Variants in FAM53B observed in about 807,000 individuals in gnomAD.
FAM53B encodes the protein family with sequence similarity 53 member B.
A neutral mutation model predicts 32.7 loss-of-function variants in FAM53B; 12 were observed. That is an observed-to-expected ratio of 0.37 (90% confidence interval 0.24 to 0.59). The LOEUF is 0.59. Ranked by LOEUF, FAM53B falls within the 20% of genes least tolerant of loss-of-function variation. The probability of loss-of-function intolerance (pLI) is 0.72; values close to 1 mark genes in which losing one functional copy is unlikely to be tolerated. For missense variants in FAM53B, 477 were observed against 577.7 expected, an observed-to-expected ratio of 0.83 and a Z score of 1.79; for synonymous variants, 234 against 228.7, an observed-to-expected ratio of 1.02 and a Z score of -0.21.
intron 2 of FAM53B, among the ~76,000 whole-genome samples, chr10:124,702,076 C>T (rs557389319): frequency 1.3e-5 from 2 of 152,278 alleles, no homozygotes; most frequent in Admixed American, 1.3e-4. Context: ...TTCCCTTGCA[C>T]ATTGAGACTT....
chr10:124,707,310 C>T (rs1039283946), intron 1 of FAM53B, among the ~76,000 whole-genome samples: 22 of 152,196 alleles, frequency 1.4e-4, no homozygotes, highest in African/African-American at 2.2e-4. Flanking sequence ...GCCTCAGCCC[C>T]GCATCCAACA....
At chr10:124,695,719 C>G (rs993836542) in intron 3 of FAM53B, among the ~76,000 whole-genome samples, 13 of 150,202 alleles carry the variant, frequency 8.7e-5, no homozygotes, top group African/African-American at 3.0e-4. Flanking sequence ...ATGATGGTAA[C>G]TACTCCAAGT....
At position 124,720,517 on chromosome 10, in the gene FAM53B, G is replaced by A. The variant is rs139275390; in HGVS notation, c.-174-13630C>T. On this transcript the variant is annotated intron_variant, in intron 1 of 4. Transcript: ENST00000337318. ...AAAAACAAAAAAAGAAACCCTATCC[G>A]ACTGAATAACTGGATGGGATCAGAA... Among the ~76,000 whole-genome samples the A allele has an allele frequency of 4.2e-3, 641 of 152,236 alleles. 1 individual carries two copies. The highest frequency in any genetic ancestry group is 0.015 in the African/African-American group (614 of 41,552).
chr10:124,666,444 A>G (rs920361224), intron 4 of FAM53B, among the ~76,000 whole-genome samples: 3 of 152,222 alleles, frequency 2.0e-5, no homozygotes, highest in Non-Finnish European at 4.4e-5. Flanking sequence ...TGGGGCTTGC[A>G]GCTGGCCAGC....
chr10:124,651,509 G>A lies in FAM53B; in HGVS notation c.907-27905C>T, dbSNP rs1006957374. Among the ~76,000 whole-genome samples, 1 of 152,168 alleles carries A rather than the reference G, an allele frequency of 6.6e-6. No individual in the cohort carries two copies. The highest frequency in any genetic ancestry group is 1.5e-5 in the Non-Finnish European group (1 of 68,014). On this transcript the variant is annotated intron_variant, in intron 4 of 4. Transcript: ENST00000337318. The surrounding 1 kb of genome is among the most constrained non-coding windows in gnomAD (Gnocchi z 5.2). ...TGCTGAACTGCAGGCACTGTAGCAG[G>A]GAGCCCAGCCGCTGGACGGAATCAC...
chr10:124,738,078 T>G (rs1030901294), intron 1 of FAM53B, among the ~76,000 whole-genome samples: 8 of 143,500 alleles, frequency 5.6e-5, no homozygotes, highest in African/African-American at 1.6e-4. Flanking sequence ...TGGGTGCCCT[T>G]CAGATGCCAC....
At chr10:124,656,361 C>T (rs1441919677) in intron 4 of FAM53B, among the ~76,000 whole-genome samples, 6 of 152,254 alleles carry the variant, frequency 3.9e-5, no homozygotes, top group Non-Finnish European at 8.8e-5. Context: ...AGTGGGAGCG[C>T]AGGTGTTCCC....
At chr10:124,693,045 G>A (rs1054520020) in intron 3 of FAM53B, among the ~76,000 whole-genome samples, 1 of 152,156 alleles carries the variant, frequency 6.6e-6, no homozygotes, top group African/African-American at 2.4e-5. Flanking sequence ...TTATCTTCAG[G>A]AGACAGGCTG....
intron 1 of FAM53B, among the ~76,000 whole-genome samples, chr10:124,725,066 T>C (rs1261887995): frequency 1.3e-5 from 2 of 152,168 alleles, no homozygotes; most frequent in Non-Finnish European, 2.9e-5. Flanking sequence ...GGAACACTCC[T>C]TGACAAAACA....
At chr10:124,711,620 A>C (rs1260983253) in intron 1 of FAM53B, among the ~76,000 whole-genome samples, 3 of 152,238 alleles carry the variant, frequency 2.0e-5, no homozygotes, top group African/African-American at 7.2e-5. Flanking sequence ...TGCTATATAT[A>C]AGTTTTTAAA....
chr10:124,720,086 CT>C (rs1950059909), intron 1 of FAM53B, among the ~76,000 whole-genome samples: 4 of 151,576 alleles, frequency 2.6e-5, no homozygotes, highest in Admixed American at 2.6e-4. Context: ...TTGCTTGAAC[CT>C]GGGAGGTGGA....
At chr10:124,677,748 C>G (rs1468293668) in intron 4 of FAM53B, among the ~76,000 whole-genome samples, 1 of 152,236 alleles carries the variant, frequency 6.6e-6, no homozygotes, top group Non-Finnish European at 1.5e-5. Context: ...GTCTCATCCC[C>G]GACAGACAAG....
chr10:124,628,444 C>T (rs932637447), intron 4 of FAM53B, among the ~76,000 whole-genome samples: 2 of 152,180 alleles, frequency 1.3e-5, no homozygotes, highest in South Asian at 2.1e-4. Flanking sequence ...TGGAGGGTTC[C>T]GGAGAGGAGA....
intron 4 of FAM53B, among the ~76,000 whole-genome samples, chr10:124,637,549 T>C (rs1949441398): frequency 6.6e-6 from 1 of 152,188 alleles, no homozygotes. Context: ...AGATCCCATC[T>C]TGAGCTCCAG....
chr10:124,645,172 C>A (rs982237359), intron 4 of FAM53B, among the ~76,000 whole-genome samples: 8 of 152,242 alleles, frequency 5.3e-5, no homozygotes, highest in African/African-American at 1.9e-4. Context: ...GCAACTCGGG[C>A]CCTCCCTGGA....
intron 2 of FAM53B, among the ~76,000 whole-genome samples, chr10:124,697,384 C>T (rs1364683962): frequency 2.0e-5 from 3 of 152,140 alleles, no homozygotes; most frequent in Admixed American, 2.0e-4. Flanking sequence ...CAGGTTCTGG[C>T]TCTTTAAGGC....
At chr10:124,634,077 T>A (rs1949410607) in intron 4 of FAM53B, among the ~76,000 whole-genome samples, 1 of 152,202 alleles carries the variant, frequency 6.6e-6, no homozygotes, top group Admixed American at 6.5e-5. Context: ...AATGAAAACA[T>A]ATGTCTATGT....
intron 3 of FAM53B, among the ~76,000 whole-genome samples, chr10:124,694,460 T>C (rs1229670597): frequency 2.0e-5 from 3 of 152,206 alleles, no homozygotes; most frequent in Admixed American, 2.0e-4. Context: ...CTCTCTGTCA[T>C]CACAAACCCA....
intron 1 of FAM53B, among the ~76,000 whole-genome samples, chr10:124,711,971 G>A (rs1221597502): frequency 6.6e-6 from 1 of 152,290 alleles, no homozygotes; most frequent in East Asian, 1.9e-4. Context: ...TCTGAGGCAA[G>A]ATGGCTTGAG....
Sources: gnomAD v4.1 joint callset for allele counts (sites outside exome capture counted in the v4.1 genomes callset) on GRCh38, gnomAD v4.1.1 for gene constraint, Gnocchi (gnomAD v3.1) non-coding constraint, MANE v1.5 for transcripts, NCBI Gene and HGNC (gene_info 2026-07-23, HGNC 2026-07-21) for gene names.